The following SUPT3H variants were observed in gnomAD, a reference collection of about 807,000 sequenced individuals.
SUPT3H encodes SPT3 homolog, SAGA and STAGA complex component.
SUPT3H carries 44 observed loss-of-function variants against 44.3 expected under a neutral mutation model. The ratio of observed to expected loss-of-function variants is 0.99; its 90% CI spans 0.78 to 1.28. The LOEUF is 1.28. Among genes scored for constraint, SUPT3H ranks in the 50% most tolerant of loss-of-function variants. The pLI is 0.00. For missense variants in SUPT3H, 380 were observed against 387.1 expected, an observed-to-expected ratio of 0.98 and a Z score of 0.15; for synonymous variants, 124 against 125.6, an observed-to-expected ratio of 0.99 and a Z score of 0.09.
At chr6:44,921,988 T>A (rs1768799339) in intron 10 of SUPT3H, among the ~76,000 whole-genome samples, 1 of 152,250 alleles carries the variant, frequency 6.6e-6, no homozygotes, top group African/African-American at 2.4e-5. Context: ...AAATATTTCC[T>A]GATCTAGAGA....
chr6:45,010,474 C>G (rs1783324238), intron 5 of SUPT3H, among the ~76,000 whole-genome samples: 1 of 152,062 alleles, frequency 6.6e-6, no homozygotes. Context: ...GTGGGTTTTC[C>G]ATATATGTCT....
Position 45,089,238 on chromosome 6 carries a change from A to C in SUPT3H, c.186+16684T>G, listed in dbSNP as rs577902877. Among the ~76,000 whole-genome samples the C allele has an allele frequency of 2.6e-3, 403 of 152,204 alleles. 5 individuals carry two copies. The highest frequency in any genetic ancestry group is 9.5e-3 in the African/African-American group (395 of 41,562). ...CATTCATTTCAAAGCATTATGAGTA[A>C]GAATTCCAAAAACAGCAGTTTTGTA... On this transcript the variant is annotated intron_variant, in intron 3 of 10. Coordinates refer to ENST00000371459, the MANE Select transcript of SUPT3H (RefSeq NM_003599.4).
At position 45,354,681 on chromosome 6, in the gene SUPT3H, C is replaced by A. The variant is rs944775097; in HGVS notation, c.101+10520G>T. On this transcript the variant is annotated intron_variant, in intron 2 of 10. Transcript: ENST00000371459. ...CTCCTATATGTTGCTATGCAGAGAT[C>A]TCTAGACACATTTAAAAAAAGAAAA... 2.0e-5 allele frequency among the ~76,000 whole-genome samples: 3 copies of A among 151,698 alleles called. No individual in the cohort carries two copies. In the East Asian group the frequency reaches 5.8e-4, roughly 29 times the overall value.
chr6:44,949,324 G>C (rs1169670043), intron 9 of SUPT3H, among the ~76,000 whole-genome samples: 2 of 151,728 alleles, frequency 1.3e-5, no homozygotes, highest in Admixed American at 6.6e-5. Flanking sequence ...CACCAACATG[G>C]CACATGTATA....
At chr6:45,000,050 ATATG>A (rs911729643) in intron 6 of SUPT3H, among the ~76,000 whole-genome samples, 1 of 151,948 alleles carries the variant, frequency 6.6e-6, no homozygotes, top group African/African-American at 2.4e-5. Context: ...ATGAATTTGC[ATATG>A]TAAATGTATA....
At chr6:45,058,646 G>A (rs1049321279) in intron 3 of SUPT3H, among the ~76,000 whole-genome samples, 17 of 152,034 alleles carry the variant, frequency 1.1e-4, no homozygotes, top group Admixed American at 3.9e-4. Context: ...TAAAAGGAGC[G>A]TTCAGCTATT....
chr6:45,281,894 C>G (rs1490271918), intron 2 of SUPT3H, among the ~76,000 whole-genome samples: 30 of 152,148 alleles, frequency 2.0e-4, no homozygotes, highest in Non-Finnish European at 3.4e-4. Context: ...ACAAAACTTC[C>G]AGAGGAACGA....
chr6:44,887,931 G>C lies in SUPT3H; in HGVS notation c.912+44722C>G, dbSNP rs553012877. ...AATAGAGGCAATAAAAAATGATAAA[G>C]GGGATATCACCACCGATCCCACAGA... On this transcript the variant is annotated intron_variant, in intron 10 of 10. Coordinates refer to ENST00000371459, the MANE Select transcript of SUPT3H (RefSeq NM_003599.4). Among the ~76,000 whole-genome samples the C allele has an allele frequency of 2.0e-5, 3 of 152,074 alleles. No individual in the cohort carries two copies. In the East Asian group the frequency reaches 5.8e-4, roughly 29 times the overall value.
chr6:44,836,649 A>G (rs552045794), intron 10 of SUPT3H, among the ~76,000 whole-genome samples: 1 of 152,324 alleles, frequency 6.6e-6, no homozygotes, highest in African/African-American at 2.4e-5. Context: ...GAATACAAAA[A>G]TCTCTAGATT....
chr6:45,137,478 A>G (rs1461938219), intron 2 of SUPT3H, among the ~76,000 whole-genome samples: 2 of 152,048 alleles, frequency 1.3e-5, no homozygotes, highest in African/African-American at 4.8e-5. Flanking sequence ...CCATATGTCT[A>G]TGTATACCAA....
chr6:44,863,015 A>G (rs1426569983), intron 10 of SUPT3H, among the ~76,000 whole-genome samples: 1 of 152,196 alleles, frequency 6.6e-6, no homozygotes, highest in African/African-American at 2.4e-5. Context: ...GCTTGTTAGG[A>G]AGCAAGAGAG....
At chr6:45,140,042 C>A (rs1378348092) in intron 2 of SUPT3H, among the ~76,000 whole-genome samples, 4 of 152,146 alleles carry the variant, frequency 2.6e-5, no homozygotes, top group African/African-American at 9.7e-5. Flanking sequence ...ACTATGGGAA[C>A]AAGACCAGCC....
chr6:45,251,163 A>G (rs1469740065), intron 2 of SUPT3H: 2 of 152,120 alleles, frequency 1.3e-5, no homozygotes, highest in Non-Finnish European at 2.9e-5. Context: ...CAAAGACTTC[A>G]AATTTTTAAG....
downstream of SUPT3H, chr6:44,809,168 C>T (rs1412671335): frequency 6.6e-6 from 1 of 152,190 alleles, no homozygotes; most frequent in Non-Finnish European, 1.5e-5. Flanking sequence ...GTTTATTAGT[C>T]TTGTGTTCAC....
At chr6:44,890,357 C>G (rs1400291544) in intron 10 of SUPT3H, among the ~76,000 whole-genome samples, 1 of 151,574 alleles carries the variant, frequency 6.6e-6, no homozygotes, top group African/African-American at 2.4e-5. Flanking sequence ...TTGGAACCAA[C>G]CCAAATGTCC....
chr6:44,829,863 A>G lies in SUPT3H; in HGVS notation c.913-6T>C. The G allele has an allele frequency of 3.1e-6, 5 of 1,613,106 alleles. No homozygotes were observed. The South Asian group carries it at 4.4e-5, about 14-fold the overall frequency. On this transcript the variant is annotated splice_polypyrimidine_tract_variant and splice_region_variant and intron_variant, in intron 10 of 10. Coordinates refer to ENST00000371459, the MANE Select transcript of SUPT3H (RefSeq NM_003599.4). ...CCATTCCTGCGGTAGGCATTCTGTC[A>G]AAGAAAAAGAAATCTGCAATGAATT...
chr6:45,279,640 T>C (rs1202723791), intron 2 of SUPT3H, among the ~76,000 whole-genome samples: 1 of 152,204 alleles, frequency 6.6e-6, no homozygotes, highest in Non-Finnish European at 1.5e-5. Context: ...GTCAAGCAGA[T>C]GCTGCCACCA....
chr6:44,949,006 G>A (rs1773825622), intron 9 of SUPT3H, among the ~76,000 whole-genome samples: 1 of 152,188 alleles, frequency 6.6e-6, no homozygotes, highest in Non-Finnish European at 1.5e-5. Flanking sequence ...GTCCAACAAT[G>A]ATAGACTGGA....
chr6:45,357,624 G>T (rs999167474), intron 2 of SUPT3H, among the ~76,000 whole-genome samples: 4 of 152,048 alleles, frequency 2.6e-5, no homozygotes, highest in African/African-American at 9.7e-5. Flanking sequence ...TACCACACCT[G>T]GTCCCCCTTT....
Sources: gnomAD v4.1 joint callset for allele counts (sites outside exome capture counted in the v4.1 genomes callset) on GRCh38, gnomAD v4.1.1 for gene constraint, MANE v1.5 for transcripts, NCBI Gene and HGNC (gene_info 2026-07-23, HGNC 2026-07-21) for gene names.